The following CTTN variants were observed in gnomAD, a reference collection of about 807,000 sequenced individuals.
CTTN encodes the protein src substrate cortactin.
A neutral mutation model predicts 84.0 loss-of-function variants in CTTN; 28 were observed. The ratio of observed to expected loss-of-function variants is 0.33; its 90% CI spans 0.25 to 0.46. The LOEUF (loss-of-function observed/expected upper bound fraction) is 0.46, where lower values mean the gene tolerates loss of function less well. Among genes scored for constraint, CTTN ranks in the 20% least tolerant of loss-of-function variants. The probability of loss-of-function intolerance (pLI) is 1.00; values close to 1 mark genes in which losing one functional copy is unlikely to be tolerated. For missense variants in CTTN, 641 were observed against 723.8 expected (o/e 0.89, Z 1.31); for synonymous variants, 301 against 288.8 (o/e 1.04, Z -0.43).
chr11:70,424,371 G>A (rs1440630233), intron 12 of CTTN, among the ~76,000 whole-genome samples: 1 of 152,144 alleles, frequency 6.6e-6, no homozygotes, highest in East Asian at 1.9e-4. Flanking sequence ...TGAGGAGGCA[G>A]TGTGTGGGTG....
intron 9 of CTTN, 132 bp downstream of exon 9, chr11:70,419,988 A>G (rs767670075): frequency 2.2e-5 from 15 of 693,894 alleles, no homozygotes; most frequent in Admixed American, 9.3e-5. Flanking sequence ...GAAATGCCCA[A>G]CTTGAAAACG....
intron 1 of CTTN, among the ~76,000 whole-genome samples, chr11:70,400,078 G>A (rs998598376): frequency 1.3e-5 from 2 of 152,208 alleles, no homozygotes; most frequent in Non-Finnish European, 2.9e-5. Context: ...TTTTAAGTGG[G>A]ACTCAATAAA....
chr11:70,418,801 G>A (rs1159995374), intron 8 of CTTN, among the ~76,000 whole-genome samples: 3 of 146,124 alleles, frequency 2.1e-5, no homozygotes, highest in South Asian at 2.1e-4. Context: ...TTTTTGAGAC[G>A]GAGTCTCTCT....
rs529089301 is a variant in CTTN at position 70,429,945 on chromosome 11, C to A, written c.1176+746C>A. 1.6e-3 allele frequency among the ~76,000 whole-genome samples: 244 copies of A among 152,242 alleles called. 2 individuals are homozygous for A. The highest frequency in any genetic ancestry group is 4.9e-3 in the African/African-American group (202 of 41,554). ...GGCCCAGCCTGTCTGGAAGCCTGGG[C>A]TTCTCCTATCCACCCCAGGCCCTGC... On this transcript the variant is annotated intron_variant, in intron 14 of 17. Transcript: ENST00000301843.
chr11:70,412,698 C>T (rs576848387), intron 5 of CTTN, among the ~76,000 whole-genome samples: 15 of 152,146 alleles, frequency 9.9e-5, no homozygotes, highest in Non-Finnish European at 1.2e-4. Flanking sequence ...GCATCCATCA[C>T]GCGGGGCAGG....
At chr11:70,409,803 T>C in intron 4 of CTTN, 28 bp from the exon 5 acceptor site, 1 of 1,611,426 alleles carries the variant, frequency 6.2e-7, no homozygotes, top group African/African-American at 1.3e-5. Flanking sequence ...TTTATTGATC[T>C]GTTCCTATTT....
rs1591455959 is a variant in CTTN, at chr11:70,435,806, A to G, written c.*644A>G. On this transcript the variant is annotated 3_prime_UTR_variant, in exon 18 of 18. Coordinates refer to ENST00000301843, the MANE Select transcript of CTTN (RefSeq NM_005231.4). The stretch of plus-strand genomic sequence containing the variant: ...CCCACTCCGGCTTGTCCTCATCTCT[A>G]CCCATCCCCTGATGCCCAGGTCACC... 6.4e-7 allele frequency: 1 copy of G among 1,565,936 alleles called. No individual in the cohort carries two copies. The highest frequency in any genetic ancestry group is 1.2e-5 in the South Asian group (1 of 86,934).
intron 6 of CTTN, 43 bp downstream of exon 6, chr11:70,414,695 G>A: frequency 6.8e-7 from 1 of 1,462,322 alleles, no homozygotes; most frequent in Non-Finnish European, 9.6e-7. Context: ...TGGGGCAAGG[G>A]GGGCGTTCCC....
rs535086955 is a variant in CTTN at position 70,434,082 on chromosome 11, C to T, written c.1516+364C>T. Among the ~76,000 whole-genome samples, 8 of 152,310 alleles carry T rather than the reference C, an allele frequency of 5.3e-5. No homozygotes were observed. The South Asian group carries it at 1.7e-3, about 32-fold the overall frequency. On this transcript the variant is annotated intron_variant, in intron 17 of 17. Coordinates refer to ENST00000301843, the MANE Select transcript of CTTN (RefSeq NM_005231.4). The stretch of plus-strand genomic sequence containing the variant: ...GGGGCCGCACAGATGCCTTGATGTT[C>T]GAGACCCCATTCCTGCCTGTCCTGC...
chr11:70,398,891 C>A (rs960903508), intron 1 of CTTN, among the ~76,000 whole-genome samples: 3 of 151,116 alleles, frequency 2.0e-5, no homozygotes, highest in Non-Finnish European at 4.4e-5. Flanking sequence ...GGGCTGGGGT[C>A]CGCGGAGGAA....
chr11:70,402,190 C>T (rs2057993959), intron 1 of CTTN, among the ~76,000 whole-genome samples: 1 of 152,174 alleles, frequency 6.6e-6, no homozygotes, highest in Admixed American at 6.5e-5. Flanking sequence ...GAATTTTTCA[C>T]TCTGTCTAGA....
intron 1 of CTTN, among the ~76,000 whole-genome samples, chr11:70,401,727 G>A (rs1035856784): frequency 2.0e-5 from 3 of 152,060 alleles, no homozygotes; most frequent in African/African-American, 4.8e-5. Context: ...CTAGCTACTC[G>A]GGAGGCTGAG....
chr11:70,417,244 C>A (rs1365915782), intron 8 of CTTN, 121 bp downstream of exon 8: 4 of 765,200 alleles, frequency 5.2e-6, no homozygotes, highest in South Asian at 1.6e-5. Context: ...GTGTTCTTTT[C>A]GTACCAGTGT....
intron 1 of CTTN, among the ~76,000 whole-genome samples, chr11:70,402,563 T>C (rs1037566611): frequency 7.2e-5 from 11 of 152,356 alleles, no homozygotes; most frequent in South Asian, 4.1e-4. Context: ...ACTCCAGACA[T>C]TTCCTAGAAA....
At position 70,409,909 on chromosome 11, in the gene CTTN, T is replaced by A. The variant is rs1400951357; in HGVS notation, c.240T>A (p.Ala80=). ...AGGAACTTGAAACAGGACCAAAAGC[T>A]TCCCATGGCTATGGAGGGAAATTTG... ...KEKELETGPK[A]SHGYGGKFGV... The change falls in exon 5 of 18, where the codon GCT becomes GCA. Residue 80 remains alanine (A), a synonymous_variant. Coordinates refer to ENST00000301843, the MANE Select transcript of CTTN (RefSeq NM_005231.4). 3 of 1,613,952 alleles carry A rather than the reference T, an allele frequency of 1.9e-6. No homozygotes were observed. Among genetic ancestry groups the A allele is most frequent in the Non-Finnish European group, 2.5e-6 (3 of 1,179,984 alleles).
At chr11:70,399,100 G>A (rs1421039416) in intron 1 of CTTN, among the ~76,000 whole-genome samples, 2 of 147,420 alleles carry the variant, frequency 1.4e-5, no homozygotes, top group East Asian at 4.1e-4. Context: ...GGTCTGAGCG[G>A]AGGGGGCCGG....
chr11:70,405,509 A>C (rs1490087181), intron 2 of CTTN, 148 bp downstream of exon 2: 1 of 152,162 alleles, frequency 6.6e-6, no homozygotes, highest in Non-Finnish European at 1.5e-5. Flanking sequence ...TTCATTGTTT[A>C]AAAAATAAAG....
intron 15 of CTTN, among the ~76,000 whole-genome samples, chr11:70,432,533 C>T (rs1298393580): frequency 6.6e-6 from 1 of 152,240 alleles, no homozygotes; most frequent in Non-Finnish European, 1.5e-5. Context: ...TCAGAATTTT[C>T]GCTGGGGCTC....
At chr11:70,433,515 A>G in intron 16 of CTTN, 132 bp from the exon 17 acceptor site, 1 of 841,048 alleles carries the variant, frequency 1.2e-6, no homozygotes, top group Non-Finnish European at 2.0e-6. Context: ...GCAGGGGCAG[A>G]GGAAGGGAGG....
Sources: allele counts gnomAD v4.1 joint callset (sites outside exome capture counted in the v4.1 genomes callset), GRCh38; gene constraint gnomAD v4.1.1; transcripts MANE v1.5; gene names NCBI Gene and HGNC (gene_info 2026-07-23, HGNC 2026-07-21).